Variants in ANK3 observed in about 807,000 individuals in gnomAD.
The protein encoded by ANK3 is ankyrin 3, also known as ankyrin-3.
Under a neutral mutation model 370.9 loss-of-function variants are expected in ANK3, and 57 were observed. That is an observed-to-expected ratio of 0.15 (90% confidence interval 0.12 to 0.19). The LOEUF (loss-of-function observed/expected upper bound fraction) is 0.19, where lower values mean the gene tolerates loss of function less well. Ranked by LOEUF, ANK3 falls within the 10% of genes least tolerant of loss-of-function variation. ANK3 has a pLI of 1.00. For synonymous variants in ANK3, 1,929 were observed against 1,946.3 expected, an observed-to-expected ratio of 0.99 and a Z score of 0.23; for missense variants, 4,439 against 5,302.1, an observed-to-expected ratio of 0.84 and a Z score of 5.06.
chr10:60,462,935 A>G (rs1212718828), intron 2 of ANK3, among the ~76,000 whole-genome samples: 2 of 151,862 alleles, frequency 1.3e-5, no homozygotes, highest in Non-Finnish European at 2.9e-5. Context: ...ACAGGGTCCC[A>G]CTTTGTCTCC....
chr10:60,398,179 T>G (rs1164708999), intron 2 of ANK3, among the ~76,000 whole-genome samples: 1 of 152,214 alleles, frequency 6.6e-6, no homozygotes, highest in Non-Finnish European at 1.5e-5. Context: ...GACATTGAAA[T>G]GTGAGTTTCA....
intron 42 of ANK3, among the ~76,000 whole-genome samples, chr10:60,051,100 CAT>C: frequency 6.6e-6 from 1 of 152,234 alleles, no homozygotes; most frequent in East Asian, 1.9e-4. Flanking sequence ...TATCGTGCCT[CAT>C]ACCTTGTTAC....
chr10:60,238,526 G>A (rs1049050200), intron 7 of ANK3, among the ~76,000 whole-genome samples: 25 of 152,068 alleles, frequency 1.6e-4, no homozygotes, highest in Non-Finnish European at 3.2e-4. Context: ...TTACATGAAA[G>A]ACCCCCAACC....
At chr10:60,573,867 A>G (rs1344443392) in intron 2 of ANK3, among the ~76,000 whole-genome samples, 1 of 152,198 alleles carries the variant, frequency 6.6e-6, no homozygotes, top group African/African-American at 2.4e-5. Flanking sequence ...GTTCAGGTCC[A>G]TTCCTAGGGG....
chr10:60,528,545 A>G (rs1356957428), intron 2 of ANK3, among the ~76,000 whole-genome samples: 1 of 152,214 alleles, frequency 6.6e-6, no homozygotes, highest in Non-Finnish European at 1.5e-5. Context: ...ACAAACCAAA[A>G]TATTTGCAGT....
intron 1 of ANK3, among the ~76,000 whole-genome samples, chr10:60,312,681 C>T (rs150856442): frequency 6.6e-6 from 1 of 152,312 alleles, no homozygotes; most frequent in South Asian, 2.1e-4. Context: ...GGTTTCGCAT[C>T]TCCCTTAATT....
chr10:60,442,701 A>G (rs1238345596), intron 2 of ANK3, among the ~76,000 whole-genome samples: 1 of 152,214 alleles, frequency 6.6e-6, no homozygotes, highest in Non-Finnish European at 1.5e-5. Context: ...ATTCACTTGG[A>G]ATAAAGTATT....
At chr10:60,352,067 C>T (rs2056968500) in intron 1 of ANK3, among the ~76,000 whole-genome samples, 1 of 152,176 alleles carries the variant, frequency 6.6e-6, no homozygotes, top group Non-Finnish European at 1.5e-5. Flanking sequence ...GAGGCTGACA[C>T]AGGCAGACAC....
At chr10:60,190,460 A>AC (rs1377393940) in intron 16 of ANK3, among the ~76,000 whole-genome samples, 1 of 152,204 alleles carries the variant, frequency 6.6e-6, no homozygotes, top group East Asian at 1.9e-4. Flanking sequence ...AAATACAAAA[A>AC]ATAAAAGCAA....
At chr10:60,182,927 T>C (rs948885492) in intron 17 of ANK3, among the ~76,000 whole-genome samples, 32 of 152,218 alleles carry the variant, frequency 2.1e-4, no homozygotes, top group African/African-American at 7.5e-4. Flanking sequence ...CGTGTTCTCC[T>C]TCAGAGGAAA....
intron 2 of ANK3, among the ~76,000 whole-genome samples, chr10:60,472,406 C>T (rs573190599): frequency 6.6e-6 from 1 of 152,266 alleles, no homozygotes; most frequent in East Asian, 1.9e-4. Context: ...CACTGTAGTG[C>T]TAAATAATTT....
Position 60,055,860 on chromosome 10 carries a change from T to G in ANK3, c.12863A>C (p.His4288Pro), listed in dbSNP as rs1197181984. 2 of 1,614,074 alleles carry G rather than the reference T, an allele frequency of 1.2e-6. No individual in the cohort carries two copies. Among genetic ancestry groups the G allele is most frequent in the Non-Finnish European group, 1.7e-6 (2 of 1,180,018 alleles). ...STKETLKPKI[H>P]GSGHVEEPAS... Reference sequence around the variant, plus strand: ...TGGTTCTTCAACATGACCAGATCCATGTATTTTTGGTTTCAGAGTTTCCTT... The same window carrying G: ...TGGTTCTTCAACATGACCAGATCCAGGTATTTTTGGTTTCAGAGTTTCCTT... Residue 4288 changes from histidine (H) to proline (P), a missense_variant, in exon 42 of 44, where the codon CAT becomes CCT. Coordinates refer to ENST00000280772, the MANE Select transcript of ANK3 (RefSeq NM_020987.5).
chr10:60,538,540 G>T (rs1183268724), intron 2 of ANK3, among the ~76,000 whole-genome samples: 1 of 151,810 alleles, frequency 6.6e-6, no homozygotes, highest in East Asian at 1.9e-4. Flanking sequence ...TTGGAGGTTT[G>T]TTCAAGTATC....
intron 1 of ANK3, among the ~76,000 whole-genome samples, chr10:60,711,158 T>C (rs567586057): frequency 6.6e-6 from 1 of 152,084 alleles, no homozygotes; most frequent in African/African-American, 2.4e-5. Flanking sequence ...AAAAAATAGA[T>C]GGGTAATGTA....
chr10:60,047,751 T>G (rs1375330479), intron 42 of ANK3, among the ~76,000 whole-genome samples: 1 of 152,196 alleles, frequency 6.6e-6, no homozygotes, highest in Admixed American at 6.5e-5. Flanking sequence ...TTCACAATAG[T>G]TTGGTTGTGT....
rs2064878104 is a variant in ANK3, at chr10:60,461,320, ATAAT to A, written c.96+153862_96+153865del. Among the ~76,000 whole-genome samples the A allele has an allele frequency of 6.6e-5, 10 of 152,334 alleles. No homozygotes were observed. In the South Asian group the frequency reaches 2.1e-3, roughly 32 times the overall value. On this transcript the variant is annotated intron_variant, in intron 2 of 43. Coordinates refer to the ANK3 transcript ENST00000373827. Reference sequence around the variant, plus strand: ...TACTTCTTTACACTACCAAATAATAATAATTAAGATTAAAAGAACTAATGCAGTT... The same window carrying A: ...TACTTCTTTACACTACCAAATAATAATAAGATTAAAAGAACTAATGCAGTT...
intron 8 of ANK3, among the ~76,000 whole-genome samples, chr10:60,218,097 C>CTTTTTTTTTTTTTTTCTT (rs2096972065): frequency 7.9e-6 from 1 of 126,156 alleles, no homozygotes; most frequent in African/African-American, 3.2e-5. Flanking sequence ...CTTTTTCTTT[C>CTTTTTTTTTTTTTTTCTT]TTTTTTTTTT....
intron 1 of ANK3, among the ~76,000 whole-genome samples, chr10:60,672,715 G>T (rs116287576): frequency 0.041 from 6,210 of 152,200 alleles, 161 homozygotes; most frequent in Middle Eastern, 0.071. Flanking sequence ...CCAAGGAATG[G>T]GTCCTAGGAA....
chr10:60,203,956 A>G (rs1345034401), intron 11 of ANK3, among the ~76,000 whole-genome samples: 2 of 152,230 alleles, frequency 1.3e-5, no homozygotes, highest in Non-Finnish European at 2.9e-5. Flanking sequence ...AATTTAGCTT[A>G]CAACATGAAC....
Sources: allele counts gnomAD v4.1 joint callset (sites outside exome capture counted in the v4.1 genomes callset), GRCh38; gene constraint gnomAD v4.1.1; transcripts MANE v1.5; gene names NCBI Gene and HGNC (gene_info 2026-07-23, HGNC 2026-07-21).